Variants in IMMP1L observed in about 807,000 individuals in gnomAD.
The protein encoded by IMMP1L is mitochondrial inner membrane protease subunit 1.
In IMMP1L, 24 loss-of-function variants were observed where a neutral mutation model predicts 21.8. The observed-to-expected ratio is 1.10, with a 90% CI of 0.80 to 1.55. The LOEUF (loss-of-function observed/expected upper bound fraction) is 1.55. IMMP1L is among the 40% of genes most tolerant of loss of function. The probability of loss-of-function intolerance (pLI) is 0.00; values close to 1 mark genes in which losing one functional copy is unlikely to be tolerated. For synonymous variants in IMMP1L, 46 were observed against 62.8 expected (o/e 0.73, Z 1.26); for missense variants, 195 against 200.7 (o/e 0.97, Z 0.17).
At chr11:31,435,051 G>T (rs896845514) in intron 4 of IMMP1L, among the ~76,000 whole-genome samples, 1 of 152,124 alleles carries the variant, frequency 6.6e-6, no homozygotes, top group South Asian at 2.1e-4. Flanking sequence ...AACATCTTTC[G>T]TGTCTAAATT....
At chr11:31,491,905 T>C (rs1183514815) in intron 1 of IMMP1L, among the ~76,000 whole-genome samples, 1 of 152,214 alleles carries the variant, frequency 6.6e-6, no homozygotes, top group Admixed American at 6.5e-5. Context: ...AACCATGCTA[T>C]AAACACATGT....
rs544232491 is a variant in IMMP1L, at chr11:31,494,623, TAGTC to T, written c.-30+14892_-30+14895del. On this transcript the variant is annotated intron_variant, in intron 1 of 5. Transcript: ENST00000532287. Reference sequence around the variant, plus strand: ...AAATGGGTTTTTCTTTTATATCACATAGTCAGGCTGCAAATTTTCCAAACTTTTT... The same window carrying T: ...AAATGGGTTTTTCTTTTATATCACATAGGCTGCAAATTTTCCAAACTTTTT... Among the ~76,000 whole-genome samples the T allele has an allele frequency of 1.2e-3, 181 of 152,202 alleles. No homozygotes were observed. The Middle Eastern group carries it at 0.024, about 20-fold the overall frequency.
rs1564997553 is a variant in IMMP1L, at chr11:31,478,709, T to C, written c.-29-15404A>G. Among the ~76,000 whole-genome samples, 3 of 152,252 alleles carry C rather than the reference T, an allele frequency of 2.0e-5. No individual in the cohort carries two copies. In the South Asian group the frequency reaches 6.2e-4, roughly 32 times the overall value. On this transcript the variant is annotated intron_variant, in intron 1 of 5. Coordinates refer to ENST00000532287, the MANE Select transcript of IMMP1L (RefSeq NM_001304274.2). ...AAATGTGAAAAACTCAGAGATTTCA[T>C]AAATATGGTTTTCTCTAACTCATAC...
chr11:31,495,292 T>C (rs1286242538), intron 1 of IMMP1L, among the ~76,000 whole-genome samples: 1 of 152,184 alleles, frequency 6.6e-6, no homozygotes, highest in Non-Finnish European at 1.5e-5. Context: ...TTCCAAACTT[T>C]CCTACATTTT....
At chr11:31,483,179 C>CATGAAG (rs1954959001) in intron 1 of IMMP1L, among the ~76,000 whole-genome samples, 1 of 151,868 alleles carries the variant, frequency 6.6e-6, no homozygotes, top group Non-Finnish European at 1.5e-5. Flanking sequence ...TGGAAGGGTG[C>CATGAAG]ATGAAGGTGT....
At chr11:31,502,537 A>G (rs1468388991) in intron 1 of IMMP1L, among the ~76,000 whole-genome samples, 3 of 152,212 alleles carry the variant, frequency 2.0e-5, no homozygotes, top group Non-Finnish European at 4.4e-5. Context: ...TTCGGGCAAA[A>G]TCAGTAGATG....
At chr11:31,498,133 C>T (rs1955511666) in intron 1 of IMMP1L, among the ~76,000 whole-genome samples, 1 of 152,122 alleles carries the variant, frequency 6.6e-6, no homozygotes, top group Non-Finnish European at 1.5e-5. Context: ...CTTAAAAAAT[C>T]CAACCTTAGA....
At chr11:31,489,295 A>G (rs1042430924) in intron 1 of IMMP1L, among the ~76,000 whole-genome samples, 1 of 152,250 alleles carries the variant, frequency 6.6e-6, no homozygotes, top group Admixed American at 6.5e-5. Flanking sequence ...TTTGCCTTTA[A>G]AACAATATAT....
intron 1 of IMMP1L, among the ~76,000 whole-genome samples, chr11:31,472,830 C>G (rs1954606868): frequency 6.6e-6 from 1 of 152,076 alleles, no homozygotes; most frequent in Non-Finnish European, 1.5e-5. Flanking sequence ...TAAAACAACC[C>G]TATGAGAACT....
intron 4 of IMMP1L, among the ~76,000 whole-genome samples, chr11:31,445,399 T>G (rs950777137): frequency 6.6e-6 from 1 of 152,224 alleles, no homozygotes; most frequent in African/African-American, 2.4e-5. Context: ...AATCTCCTGT[T>G]GTTGCTGTAC....
At chr11:31,474,053 TTAGA>T (rs1480194875) in intron 1 of IMMP1L, among the ~76,000 whole-genome samples, 1 of 152,096 alleles carries the variant, frequency 6.6e-6, no homozygotes, top group Admixed American at 6.6e-5. Flanking sequence ...CAGAAACAAG[TTAGA>T]TAGGGAAGGA....
chr11:31,464,785 T>C (rs937470953), intron 1 of IMMP1L, among the ~76,000 whole-genome samples: 2 of 152,032 alleles, frequency 1.3e-5, no homozygotes, highest in African/African-American at 4.8e-5. Flanking sequence ...AGAAGGAACA[T>C]ACATCAAAAC....
chr11:31,482,925 C>T (rs959831291), intron 1 of IMMP1L, among the ~76,000 whole-genome samples: 3 of 151,852 alleles, frequency 2.0e-5, no homozygotes, highest in Non-Finnish European at 4.4e-5. Flanking sequence ...ATAGAAACTA[C>T]GCAAATGTCC....
intron 4 of IMMP1L, chr11:31,452,620 TTTG>T: frequency 3.0e-6 from 3 of 985,968 alleles, no homozygotes; most frequent in Non-Finnish European, 3.6e-6. Context: ...CTTATGACAA[TTTG>T]TTTCTTTTGA....
intron 1 of IMMP1L, among the ~76,000 whole-genome samples, chr11:31,483,342 A>T (rs1245889718): frequency 6.6e-6 from 1 of 152,092 alleles, no homozygotes; most frequent in African/African-American, 2.4e-5. Flanking sequence ...TTTACATAAA[A>T]ATACACAGAT....
chr11:31,491,098 G>A (rs73467274), intron 1 of IMMP1L, among the ~76,000 whole-genome samples: 6,642 of 152,226 alleles, frequency 0.044, 385 homozygotes, highest in African/African-American at 0.11. Context: ...TGTGTGTTAA[G>A]TCACCAAGTT....
At chr11:31,465,823 T>C (rs1954319979) in intron 1 of IMMP1L, among the ~76,000 whole-genome samples, 1 of 151,820 alleles carries the variant, frequency 6.6e-6, no homozygotes, top group Middle Eastern at 3.2e-3. Context: ...ATAAATAAGA[T>C]CAAACTATAA....
intron 1 of IMMP1L, among the ~76,000 whole-genome samples, chr11:31,466,061 G>T (rs1954330548): frequency 6.6e-6 from 1 of 151,500 alleles, no homozygotes; most frequent in Admixed American, 6.6e-5. Flanking sequence ...GAACCCAACA[G>T]CAAAAAAACA....
chr11:31,477,607 A>G, intron 1 of IMMP1L: 1 of 919,326 alleles, frequency 1.1e-6, no homozygotes, highest in Non-Finnish European at 1.3e-6. Flanking sequence ...ATTAGTTCTC[A>G]GTTGCTGCCA....
Sources: allele counts gnomAD v4.1 joint callset (sites outside exome capture counted in the v4.1 genomes callset), GRCh38; gene constraint gnomAD v4.1.1; transcripts MANE v1.5; gene names NCBI Gene and HGNC (gene_info 2026-07-23, HGNC 2026-07-21).